MRAS: variants seen among roughly 807,000 people sequenced by gnomAD.
The protein encoded by MRAS is muscle RAS oncogene homolog.
Under a neutral mutation model 20.9 loss-of-function variants are expected in MRAS, and 4 were observed. The observed-to-expected ratio is 0.19, with a 90% CI of 0.09 to 0.44. The LOEUF is 0.44. MRAS is among the 20% of genes least tolerant of loss of function. The probability of loss-of-function intolerance (pLI) is 0.99; values close to 1 mark genes in which losing one functional copy is unlikely to be tolerated. For synonymous variants in MRAS, 98 were observed against 102.9 expected (o/e 0.95, Z 0.29); for missense variants, 154 against 277.5 (o/e 0.56, Z 3.16).
At chr3:138,380,847 G>A (rs1188145853) in intron 2 of MRAS, among the ~76,000 whole-genome samples, 1 of 150,754 alleles carries the variant, frequency 6.6e-6, no homozygotes, top group Non-Finnish European at 1.5e-5. Flanking sequence ...TCGGCTCACT[G>A]CAGCCTCCGC....
chr3:138,372,087 C>T lies in MRAS; in HGVS notation c.-18-779C>T, dbSNP rs180796253. On this transcript the variant is annotated intron_variant, in intron 1 of 5. Transcript: ENST00000423968. ...TTCTTCACTGGGGGGGACTGCCCTG[C>T]GCATTGTACAATCCCTGGTCTGTGC... Among the ~76,000 whole-genome samples, 464 of 152,210 alleles carry T rather than the reference C, an allele frequency of 3.0e-3. 6 individuals carry two copies. The highest frequency in any genetic ancestry group is 9.9e-3 in the African/African-American group (413 of 41,528).
At chr3:138,373,136 A>C in intron 2 of MRAS, 60 bp downstream of exon 2, 6 of 1,335,178 alleles carry the variant, frequency 4.5e-6, no homozygotes, top group Non-Finnish European at 4.9e-6. Context: ...GATCAGGGAA[A>C]TTTGACAGGT....
intron 2 of MRAS, among the ~76,000 whole-genome samples, chr3:138,387,928 T>C (rs1156950887): frequency 6.6e-6 from 1 of 152,204 alleles, no homozygotes; most frequent in Non-Finnish European, 1.5e-5. Context: ...GCCTCCAGCA[T>C]GAGCGACCCC....
chr3:138,355,877 G>A (rs2054320971), intron 1 of MRAS, among the ~76,000 whole-genome samples: 1 of 152,232 alleles, frequency 6.6e-6, no homozygotes. Context: ...GTTGCAGAGA[G>A]CTGAGATCGC....
intron 2 of MRAS, among the ~76,000 whole-genome samples, chr3:138,397,014 A>G (rs1019453456): frequency 2.6e-5 from 4 of 152,156 alleles, no homozygotes; most frequent in African/African-American, 9.7e-5. Context: ...AGAGTTCATC[A>G]CTGGCTTCAT....
intron 2 of MRAS, among the ~76,000 whole-genome samples, chr3:138,396,154 G>A (rs1034642727): frequency 3.9e-5 from 6 of 152,206 alleles, no homozygotes; most frequent in African/African-American, 1.2e-4. Context: ...TAGCCAGAGC[G>A]GGAGAGAAGA....
intron 1 of MRAS, among the ~76,000 whole-genome samples, chr3:138,368,898 TG>T (rs374311750): frequency 1.4e-4 from 21 of 151,782 alleles, no homozygotes; most frequent in African/African-American, 3.9e-4. Flanking sequence ...ATCAGGGTTT[TG>T]GGGGGGGCCG....
chr3:138,350,974 C>T (rs2054215790), intron 1 of MRAS, among the ~76,000 whole-genome samples: 2 of 148,282 alleles, frequency 1.3e-5, no homozygotes, highest in Admixed American at 6.7e-5. Flanking sequence ...AGTGACAAGT[C>T]AGTTACCCTT....
intron 1 of MRAS, among the ~76,000 whole-genome samples, chr3:138,358,179 A>G (rs1225195148): frequency 2.0e-5 from 3 of 152,146 alleles, no homozygotes; most frequent in Non-Finnish European, 2.9e-5. Flanking sequence ...TACTAAAAAA[A>G]TACAAAAATT....
At chr3:138,386,745 A>T (rs1000575421) in intron 2 of MRAS, among the ~76,000 whole-genome samples, 1 of 152,140 alleles carries the variant, frequency 6.6e-6, no homozygotes, top group Non-Finnish European at 1.5e-5. Flanking sequence ...GGCCTCCCAA[A>T]GTGCTGGGAT....
intron 1 of MRAS, among the ~76,000 whole-genome samples, chr3:138,367,689 CTG>C (rs2054589334): frequency 6.6e-6 from 1 of 152,204 alleles, no homozygotes; most frequent in African/African-American, 2.4e-5. Context: ...TGAGTAGAGA[CTG>C]AGCTTCCCAT....
At chr3:138,372,840 T>A in intron 1 of MRAS, 26 bp from the exon 2 acceptor site, 1 of 1,458,890 alleles carries the variant, frequency 6.9e-7, no homozygotes, top group Non-Finnish European at 9.1e-7. Context: ...GCCCTCTGTC[T>A]CATTCCACAT....
intron 1 of MRAS, among the ~76,000 whole-genome samples, chr3:138,363,995 T>C (rs2054510192): frequency 6.6e-6 from 1 of 152,098 alleles, no homozygotes; most frequent in Non-Finnish European, 1.5e-5. Context: ...ACTGGAGAAA[T>C]GCAAAAGAAG....
At chr3:138,381,114 T>G (rs1018098280) in intron 2 of MRAS, among the ~76,000 whole-genome samples, 6 of 152,252 alleles carry the variant, frequency 3.9e-5, no homozygotes, top group African/African-American at 1.2e-4. Flanking sequence ...ACTGTATGGA[T>G]GTACCATGTT....
intron 2 of MRAS, among the ~76,000 whole-genome samples, chr3:138,389,222 T>C (rs908628569): frequency 7.2e-5 from 11 of 152,074 alleles, no homozygotes; most frequent in African/African-American, 2.7e-4. Context: ...TGGCATTTTC[T>C]GTAGAGTGCA....
chr3:138,386,723 T>A (rs1409958863), intron 2 of MRAS, among the ~76,000 whole-genome samples: 1 of 152,220 alleles, frequency 6.6e-6, no homozygotes, highest in Non-Finnish European at 1.5e-5. Context: ...CTTCAGGTGA[T>A]CTGCCCGCCT....
intron 2 of MRAS, among the ~76,000 whole-genome samples, chr3:138,375,000 G>T (rs1471327537): frequency 6.6e-6 from 1 of 152,116 alleles, no homozygotes; most frequent in African/African-American, 2.4e-5. Context: ...TCTTGCCTCA[G>T]CTTCCCCAGT....
chr3:138,374,319 C>G (rs903478121), intron 2 of MRAS, among the ~76,000 whole-genome samples: 1 of 152,044 alleles, frequency 6.6e-6, no homozygotes, highest in Admixed American at 6.6e-5. Context: ...AGTTTTATAC[C>G]TGTATCTGTA....
At chr3:138,392,570 C>A (rs1366526719) in intron 2 of MRAS, among the ~76,000 whole-genome samples, 1 of 152,176 alleles carries the variant, frequency 6.6e-6, no homozygotes, top group Non-Finnish European at 1.5e-5. Context: ...GACTGCGGCA[C>A]TTCTTGATGC....
Sources: allele counts gnomAD v4.1 joint callset (sites outside exome capture counted in the v4.1 genomes callset), GRCh38; gene constraint gnomAD v4.1.1; transcripts MANE v1.5; gene names NCBI Gene and HGNC (gene_info 2026-07-23, HGNC 2026-07-21).